Variants in PECR observed in about 807,000 individuals in gnomAD.
The protein encoded by PECR is peroxisomal trans-2-enoyl-CoA reductase.
Under a neutral mutation model 35.3 loss-of-function variants are expected in PECR, and 30 were observed. The observed-to-expected ratio is 0.85, with a 90% CI of 0.64 to 1.15. The LOEUF (loss-of-function observed/expected upper bound fraction) is 1.15. Ranked by LOEUF, PECR falls within the 50% of genes most tolerant of loss-of-function variation. The probability of loss-of-function intolerance (pLI) is 0.00; values close to 1 mark genes in which losing one functional copy is unlikely to be tolerated. For synonymous variants in PECR, 148 were observed against 138.9 expected (o/e 1.07, Z -0.46); for missense variants, 392 against 370.8 (o/e 1.06, Z -0.47).
intron 1 of PECR, among the ~76,000 whole-genome samples, chr2:216,068,225 C>CAAAAAAAAAAAAAAAAAAAAAAAAAAA (rs34646067): frequency 1.5e-5 from 1 of 65,016 alleles, no homozygotes; most frequent in Non-Finnish European, 2.9e-5. Flanking sequence ...GACTCCATAT[C>CAAAAAAAAAAAAAAAAAAAAAAAAAAA]AAAAAAAAAA....
At chr2:216,069,993 G>C (rs2105965494) in intron 1 of PECR, among the ~76,000 whole-genome samples, 1 of 150,692 alleles carries the variant, frequency 6.6e-6, no homozygotes, top group African/African-American at 2.4e-5. Context: ...AAGTATAAAG[G>C]ATAAAATGTT....
chr2:216,075,007 C>A (rs1247926792), intron 1 of PECR, among the ~76,000 whole-genome samples: 1 of 152,158 alleles, frequency 6.6e-6, no homozygotes, highest in African/African-American at 2.4e-5. Flanking sequence ...ATGGGCCAGG[C>A]ATGGTGACTC....
chr2:216,073,000 AG>A (rs1695616818), intron 1 of PECR, among the ~76,000 whole-genome samples: 1 of 152,254 alleles, frequency 6.6e-6, no homozygotes, highest in Non-Finnish European at 1.5e-5. Context: ...TTTAAAGTTT[AG>A]GTTATAATTT....
intron 4 of PECR, among the ~76,000 whole-genome samples, chr2:216,058,185 G>A (rs1212047749): frequency 2.0e-5 from 3 of 152,144 alleles, no homozygotes; most frequent in Admixed American, 2.0e-4. Flanking sequence ...GATCTGGTGT[G>A]GGGCTGGATA....
chr2:216,041,552 T>C (rs1159852344), intron 7 of PECR, among the ~76,000 whole-genome samples: 1 of 152,192 alleles, frequency 6.6e-6, no homozygotes, highest in African/African-American at 2.4e-5. Context: ...TTCAACCCCA[T>C]CTCCCGCATA....
At position 216,058,889 on chromosome 2, in the gene PECR, G is replaced by A. The variant is rs745756389; in HGVS notation, c.506+6C>T. 7.9e-6 allele frequency: 12 copies of A among 1,524,212 alleles called. No homozygotes were observed. Among genetic ancestry groups the A allele is most frequent in the South Asian group, 1.1e-5 (1 of 89,078 alleles). 94.4% of individuals were successfully genotyped at this position (1,524,212 alleles called of 1,614,324 possible). A position where few individuals can be genotyped will look rare whatever the true frequency, so the allele number is the denominator to read the frequency against. ...CTTAGAAAGAAAACTATATAAAAAC[G>A]CTTACACAGCTAATGGAAATCCAGC... On this transcript the variant is annotated splice_donor_region_variant and intron_variant, in intron 4 of 7. Coordinates refer to ENST00000265322, the MANE Select transcript of PECR (RefSeq NM_018441.6).
chr2:216,051,092 C>T (rs976163871), intron 5 of PECR, among the ~76,000 whole-genome samples: 3 of 150,984 alleles, frequency 2.0e-5, no homozygotes, highest in African/African-American at 7.3e-5. Context: ...TCGAGACCAC[C>T]CAGGGCAATA....
In PECR at chr2:216,081,326, T is replaced by A. The variant is rs78829498; in HGVS notation, c.124+292A>T. On this transcript the variant is annotated intron_variant, in intron 1 of 7. Transcript: ENST00000265322. ...ATATAGAATGGATTAATTTTAAATC[T>A]GAATATAAAACTAATTGCACAGCAT... Among the ~76,000 whole-genome samples the A allele has an allele frequency of 7.0e-3, 1,063 of 152,344 alleles. 18 individuals are homozygous for A. The highest frequency in any genetic ancestry group is 0.024 in the African/African-American group (1,011 of 41,582).
At chr2:216,050,486 A>T (rs538154405) in intron 5 of PECR, among the ~76,000 whole-genome samples, 1 of 152,258 alleles carries the variant, frequency 6.6e-6, no homozygotes, top group Non-Finnish European at 1.5e-5. Flanking sequence ...GAAGGCAAAC[A>T]TGAATTAATA....
intron 1 of PECR, among the ~76,000 whole-genome samples, chr2:216,078,596 A>G (rs1371934640): frequency 2.0e-5 from 3 of 152,042 alleles, no homozygotes; most frequent in Non-Finnish European, 4.4e-5. Context: ...TCAAAAAAAA[A>G]AAAAAAGAAA....
chr2:216,060,704 T>C (rs1248494359), intron 3 of PECR, among the ~76,000 whole-genome samples: 1 of 151,996 alleles, frequency 6.6e-6, no homozygotes, highest in Non-Finnish European at 1.5e-5. Flanking sequence ...CAATAATTAT[T>C]ATTACCTACT....
At chr2:216,068,999 C>A (rs997789132) in intron 1 of PECR, among the ~76,000 whole-genome samples, 1 of 152,018 alleles carries the variant, frequency 6.6e-6, no homozygotes, top group Non-Finnish European at 1.5e-5. Context: ...CCTCCTTCTC[C>A]TTGAGAATAA....
chr2:216,058,966 G>A lies in PECR; in HGVS notation c.435C>T (p.Ser145=). 6.2e-7 allele frequency: 1 copy of A among 1,606,212 alleles called. No individual in the cohort carries two copies. Among genetic ancestry groups the A allele is most frequent in the Admixed American group, 1.7e-5 (1 of 60,002 alleles). ...TAGATCCTCCATGCTCTTTCATCCAGGAGCTGTAAACTGCAGGATAGAGGC... is the reference window on the plus strand; with the variant it reads ...TAGATCCTCCATGCTCTTTCATCCAAGAGCTGTAAACTGCAGGATAGAGGC... ...TFYMCKAVYS[S]WMKEHGGSIV... is the part of the protein sequence containing the mutation. The change falls in exon 4 of 8, where the codon TCC becomes TCT. Residue 145 remains serine, a synonymous_variant. Transcript: ENST00000265322.
At chr2:216,068,225 CAAAAAAAAAA>C (rs34646067) in intron 1 of PECR, among the ~76,000 whole-genome samples, 1 of 65,010 alleles carries the variant, frequency 1.5e-5, no homozygotes, top group African/African-American at 5.8e-5. Flanking sequence ...GACTCCATAT[CAAAAAAAAAA>C]AAAAAAAAAA....
At chr2:216,076,203 T>C (rs1695693390) in intron 1 of PECR, among the ~76,000 whole-genome samples, 1 of 152,204 alleles carries the variant, frequency 6.6e-6, no homozygotes, top group Admixed American at 6.5e-5. Flanking sequence ...TTTCTTCTCT[T>C]TTCTTTTGAG....
At chr2:216,047,612 T>C (rs1423592551) in intron 6 of PECR, among the ~76,000 whole-genome samples, 1 of 152,236 alleles carries the variant, frequency 6.6e-6, no homozygotes, top group African/African-American at 2.4e-5. Context: ...TATGTTTCAT[T>C]ACCAGCACCA....
In PECR at chr2:216,038,467, A is replaced by G. The variant is rs939374703; in HGVS notation, c.*808T>C. On this transcript the variant is annotated 3_prime_UTR_variant, in exon 8 of 8. Transcript: ENST00000265322. ...CATAAACAAAAGAAACTATACATCAATAATTACCATAAGGCATTATTGCTC... is the reference window on the plus strand; with the variant it reads ...CATAAACAAAAGAAACTATACATCAGTAATTACCATAAGGCATTATTGCTC... The G allele has an allele frequency of 6.6e-6, 1 of 152,252 alleles. No individual in the cohort carries two copies. Among genetic ancestry groups the G allele is most frequent in the Non-Finnish European group, 1.5e-5 (1 of 68,042 alleles). The allele number at this position is 152,252 out of a possible 1,614,324, so 9.4% of individuals were successfully genotyped here.
In PECR at chr2:216,079,981, C is replaced by CAA. The variant is rs746269775; in HGVS notation, c.124+1635_124+1636dup. The stretch of plus-strand genomic sequence containing the variant: ...GGGCAACAAGAGCGAAACTCCATCT[C>CAA]AAAAAAAAAAAAAAAGTAAAATTGG... On this transcript the variant is annotated intron_variant, in intron 1 of 7. Transcript: ENST00000265322. Among the ~76,000 whole-genome samples, 158 of 85,494 alleles carry CAA rather than the reference C, an allele frequency of 1.8e-3. 1 individual carries two copies. Among genetic ancestry groups the CAA allele is most frequent in the Non-Finnish European group, 3.1e-3 (128 of 41,550 alleles). 56.1% of individuals were successfully genotyped at this position (85,494 alleles called of 152,430 possible).
chr2:216,046,915 T>C (rs1320904233), intron 6 of PECR, among the ~76,000 whole-genome samples: 3 of 152,210 alleles, frequency 2.0e-5, no homozygotes, highest in Non-Finnish European at 2.9e-5. Flanking sequence ...GATGATATTA[T>C]AGTATACCCA....
Sources: allele counts gnomAD v4.1 joint callset (sites outside exome capture counted in the v4.1 genomes callset), GRCh38; gene constraint gnomAD v4.1.1; transcripts MANE v1.5; gene names NCBI Gene and HGNC (gene_info 2026-07-23, HGNC 2026-07-21).